Variants in ADARB2 observed in about 807,000 individuals in gnomAD.
ADARB2 encodes the protein inactive double-stranded RNA-specific editase B2.
A neutral mutation model predicts 62.2 loss-of-function variants in ADARB2; 25 were observed. The observed-to-expected ratio is 0.40, with a 90% CI of 0.29 to 0.56. ADARB2 has a LOEUF of 0.56. ADARB2 is among the 20% of genes least tolerant of loss of function. ADARB2 has a pLI of 0.43. For synonymous variants in ADARB2, 572 were observed against 500.8 expected, an observed-to-expected ratio of 1.14 and a Z score of -1.90; for missense variants, 1,071 against 1,077.4, an observed-to-expected ratio of 0.99 and a Z score of 0.08.
chr10:1,389,511 GAC>G (rs1564277049), intron 1 of ADARB2, among the ~76,000 whole-genome samples: 1 of 152,118 alleles, frequency 6.6e-6, no homozygotes, highest in Non-Finnish European at 1.5e-5. Flanking sequence ...ACACTACAAA[GAC>G]ATACAAATAG....
rs568573730 is a variant in ADARB2 at position 1,605,344 on chromosome 10, C to T, written c.100+131707G>A. Among the ~76,000 whole-genome samples, 399 of 152,336 alleles carry T rather than the reference C, an allele frequency of 2.6e-3. 1 individual carries two copies. The highest frequency in any genetic ancestry group is 8.8e-3 in the African/African-American group (364 of 41,570). ...TGATTCCACGCAGCTCTTACTGTGA[C>T]AATGTCACCTTCCCGTCTCTCAGAG... On this transcript the variant is annotated intron_variant, in intron 1 of 9. Transcript: ENST00000381312.
chr10:1,557,462 G>A (rs372918940), intron 1 of ADARB2, among the ~76,000 whole-genome samples: 1 of 152,074 alleles, frequency 6.6e-6, no homozygotes, highest in Non-Finnish European at 1.5e-5. Flanking sequence ...CAGGCCCCAC[G>A]CTTCCCGCCA....
chr10:1,354,556 C>T (rs1367695747), intron 3 of ADARB2, among the ~76,000 whole-genome samples: 5 of 152,172 alleles, frequency 3.3e-5, no homozygotes, highest in Admixed American at 6.5e-5. Flanking sequence ...TGTCCCTTCA[C>T]AGGTACGTGC....
intron 1 of ADARB2, among the ~76,000 whole-genome samples, chr10:1,563,854 C>G (rs1316080311): frequency 6.9e-6 from 1 of 144,138 alleles, no homozygotes. Flanking sequence ...TTGTTCAATT[C>G]CTACCTATGA....
At chr10:1,309,908 C>T (rs1589188312) in intron 3 of ADARB2, among the ~76,000 whole-genome samples, 2 of 152,368 alleles carry the variant, frequency 1.3e-5, no homozygotes, top group South Asian at 4.1e-4. Context: ...GGACTGCCAC[C>T]TGCGGGCACA....
At chr10:1,270,748 G>A (rs776263455) in intron 4 of ADARB2, among the ~76,000 whole-genome samples, 5 of 152,312 alleles carry the variant, frequency 3.3e-5, no homozygotes, top group Admixed American at 6.5e-5. Context: ...GCTGGGCCCC[G>A]GCAGCCTAAT....
intron 1 of ADARB2, among the ~76,000 whole-genome samples, chr10:1,384,037 T>C (rs1378844439): frequency 6.6e-6 from 1 of 152,240 alleles, no homozygotes; most frequent in Non-Finnish European, 1.5e-5. Flanking sequence ...GTGCAATAAA[T>C]AGTTTTTAAT....
chr10:1,200,440 G>A (rs1201026507), intron 7 of ADARB2: 1 of 467,626 alleles, frequency 2.1e-6, no homozygotes, highest in African/African-American at 2.0e-5. Flanking sequence ...CTTAGAATTA[G>A]ATTTTTTTAA....
At chr10:1,720,634 G>A (rs547939074) in intron 1 of ADARB2, among the ~76,000 whole-genome samples, 7 of 152,278 alleles carry the variant, frequency 4.6e-5, no homozygotes, top group Non-Finnish European at 8.8e-5. Flanking sequence ...ATTTAGCAGA[G>A]TAATCGGTAT....
intron 3 of ADARB2, among the ~76,000 whole-genome samples, chr10:1,274,268 G>T (rs573215193): frequency 6.6e-6 from 1 of 152,336 alleles, no homozygotes; most frequent in South Asian, 2.1e-4. Flanking sequence ...GCAGCCTGGG[G>T]GCCACATCTG....
At chr10:1,414,666 C>T (rs935994660) in intron 1 of ADARB2, among the ~76,000 whole-genome samples, 1 of 152,210 alleles carries the variant, frequency 6.6e-6, no homozygotes, top group African/African-American at 2.4e-5. Flanking sequence ...GCATGTGCTC[C>T]CAGAGCTTGG....
intron 1 of ADARB2, among the ~76,000 whole-genome samples, chr10:1,514,856 T>C (rs1038091759): frequency 6.6e-6 from 1 of 152,132 alleles, no homozygotes; most frequent in African/African-American, 2.4e-5. Context: ...TTGGCCACGT[T>C]GCAGGATGGA....
intron 6 of ADARB2, among the ~76,000 whole-genome samples, chr10:1,218,466 C>T (rs190552967): frequency 2.0e-5 from 3 of 152,210 alleles, no homozygotes; most frequent in Admixed American, 6.5e-5. Flanking sequence ...CATATGATAA[C>T]GTAAGTGAAT....
intron 1 of ADARB2, among the ~76,000 whole-genome samples, chr10:1,574,419 G>C (rs1052778800): frequency 6.6e-6 from 1 of 152,190 alleles, no homozygotes; most frequent in African/African-American, 2.4e-5. Context: ...GCCAGAGGAC[G>C]GGTTAGAAGT....
At chr10:1,222,177 G>T (rs1337672716) in intron 6 of ADARB2, among the ~76,000 whole-genome samples, 1 of 152,200 alleles carries the variant, frequency 6.6e-6, no homozygotes, top group Non-Finnish European at 1.5e-5. Context: ...GTGATGATGA[G>T]CATTTTTTCA....
intron 3 of ADARB2, among the ~76,000 whole-genome samples, chr10:1,347,282 G>C (rs781442569): frequency 6.6e-6 from 1 of 152,182 alleles, no homozygotes; most frequent in Non-Finnish European, 1.5e-5. Flanking sequence ...TCAGAGGACC[G>C]AGGCCTTGTC....
chr10:1,422,136 T>G (rs1832857281), intron 1 of ADARB2, among the ~76,000 whole-genome samples: 1 of 151,810 alleles, frequency 6.6e-6, no homozygotes, highest in Non-Finnish European at 1.5e-5. Flanking sequence ...CTTCCACGAG[T>G]TTTTAAGCCA....
At position 1,183,249 on chromosome 10, in the gene ADARB2, G is replaced by A. The variant is rs1836704987; in HGVS notation, c.2164C>T (p.Leu722=). 3 of 1,614,084 alleles carry A rather than the reference G, an allele frequency of 1.9e-6. No homozygotes were observed. In the South Asian group the frequency reaches 3.3e-5, roughly 18 times the overall value. The change falls in exon 10 of 10, where the codon CTG becomes TTG. Residue 722 remains leucine, a synonymous_variant. Coordinates refer to ENST00000381312, the MANE Select transcript of ADARB2 (RefSeq NM_018702.4). The stretch of plus-strand genomic sequence containing the variant: ...GGTGGTTTCCTCACCCAGGTGCCCA[G>A]GCCAGCCTTCTGAAAGGCCTTGAAC... The part of the protein sequence containing the change: ...QLFKAFQKAG[L]GTWVRKPPEQ...
intron 3 of ADARB2, among the ~76,000 whole-genome samples, chr10:1,352,273 T>C (rs1212672942): frequency 1.1e-4 from 16 of 152,210 alleles, no homozygotes; most frequent in Admixed American, 1.0e-3. Flanking sequence ...TAGGCATGGT[T>C]AGATACTTTC....
Sources: allele counts gnomAD v4.1 joint callset (sites outside exome capture counted in the v4.1 genomes callset), GRCh38; gene constraint gnomAD v4.1.1; transcripts MANE v1.5; gene names NCBI Gene and HGNC (gene_info 2026-07-23, HGNC 2026-07-21).